Variants in AGPS observed in about 807,000 individuals in gnomAD.
AGPS encodes the protein alkyldihydroxyacetonephosphate synthase, peroxisomal.
In AGPS, 26 loss-of-function variants were observed where a neutral mutation model predicts 90.7. The observed-to-expected ratio is 0.29, with a 90% CI of 0.21 to 0.40. AGPS has a LOEUF of 0.40. Among genes scored for constraint, AGPS ranks in the 10% least tolerant of loss-of-function variants. AGPS has a pLI of 1.00. For synonymous variants in AGPS, 294 were observed against 285.3 expected (o/e 1.03, Z -0.31); for missense variants, 540 against 816.1 (o/e 0.66, Z 4.12).
intron 17 of AGPS, among the ~76,000 whole-genome samples, chr2:177,515,266 T>C (rs1688989092): frequency 6.6e-6 from 1 of 152,136 alleles, no homozygotes; most frequent in Non-Finnish European, 1.5e-5. Context: ...GATGCTTCAT[T>C]TTTCTCTTGA....
chr2:177,463,436 C>T (rs1222290816), intron 9 of AGPS, among the ~76,000 whole-genome samples: 1 of 152,150 alleles, frequency 6.6e-6, no homozygotes, highest in Non-Finnish European at 1.5e-5. Flanking sequence ...TTTAAAAGAA[C>T]TTTAATTTGA....
rs183484035 is a variant in AGPS at position 177,466,390 on chromosome 2, A to T, written c.997-2026A>T. Among the ~76,000 whole-genome samples, 27 of 152,294 alleles carry T rather than the reference A, an allele frequency of 1.8e-4. 1 individual carries two copies. In the East Asian group the frequency reaches 5.2e-3, roughly 29 times the overall value. On this transcript the variant is annotated intron_variant, in intron 9 of 19. Transcript: ENST00000264167. ...TGGGCAATCCCGGAAAAAGCATCAT[A>T]AGTTCCCACTCCAGTCCGTGGAACT...
intron 8 of AGPS, among the ~76,000 whole-genome samples, chr2:177,457,712 G>A (rs1408078922): frequency 6.6e-6 from 1 of 152,106 alleles, no homozygotes; most frequent in Non-Finnish European, 1.5e-5. Context: ...ACCAAAAAAA[G>A]TACAGGACTA....
In AGPS at chr2:177,517,678, TA is replaced by T. The variant is rs376504623; in HGVS notation, c.1698-3582del. Among the ~76,000 whole-genome samples, 218 of 151,214 alleles carry T rather than the reference TA, an allele frequency of 1.4e-3. 1 individual carries two copies. The highest frequency in any genetic ancestry group is 4.5e-3 in the African/African-American group (185 of 41,250). ...ATTTTGGGGGAGGTGTAACTAGACT[TA>T]AAAAAAAATAGTATTGTACAAATAT... is the stretch of plus-strand genomic sequence containing the variant. On this transcript the variant is annotated intron_variant, in intron 17 of 19. Coordinates refer to ENST00000264167, the MANE Select transcript of AGPS (RefSeq NM_003659.4).
intron 1 of AGPS, among the ~76,000 whole-genome samples, chr2:177,408,416 C>T (rs2123643): frequency 0.87 from 132,032 of 152,260 alleles, 57,466 homozygotes; most frequent in East Asian, 0.98. Flanking sequence ...TATAAACATA[C>T]ATGAACTAGG....
chr2:177,398,018 C>T (rs981947316), intron 1 of AGPS, among the ~76,000 whole-genome samples: 8 of 152,030 alleles, frequency 5.3e-5, no homozygotes, highest in Non-Finnish European at 1.0e-4. Flanking sequence ...GACGACAGGG[C>T]GAGACTGTGT....
intron 19 of AGPS, among the ~76,000 whole-genome samples, chr2:177,528,710 G>C (rs1479235214): frequency 6.6e-6 from 1 of 152,130 alleles, no homozygotes; most frequent in Non-Finnish European, 1.5e-5. Context: ...AACAGTGACT[G>C]GCTGCTCTAC....
chr2:177,505,643 T>G, intron 15 of AGPS, 68 bp downstream of exon 15: 1 of 1,343,300 alleles, frequency 7.4e-7, no homozygotes, highest in Admixed American at 1.7e-5. Flanking sequence ...TTACTTTAAG[T>G]GAATGCAATT....
chr2:177,412,040 C>T (rs73979739), intron 1 of AGPS, among the ~76,000 whole-genome samples: 1 of 151,990 alleles, frequency 6.6e-6, no homozygotes, highest in African/African-American at 2.4e-5. Flanking sequence ...GGGAGGGACA[C>T]GAGGGACAAG....
chr2:177,460,167 C>T (rs545412053), intron 8 of AGPS, among the ~76,000 whole-genome samples: 13 of 152,058 alleles, frequency 8.5e-5, no homozygotes, highest in South Asian at 6.2e-4. Flanking sequence ...GCCTGGGGCG[C>T]GGTGGGAGGC....
Position 177,439,899 on chromosome 2 carries a change from G to A in AGPS, c.638-1066G>A, listed in dbSNP as rs557246952. On this transcript the variant is annotated intron_variant, in intron 5 of 19. Transcript: ENST00000264167. ...CTATTGCCAGTCAAGTTGAGTCTTA[G>A]CACCTCTTGCTTGGCATTTAAAATC... Among the ~76,000 whole-genome samples the A allele has an allele frequency of 1.1e-4, 16 of 152,208 alleles. No homozygotes were observed. In the Middle Eastern group the frequency reaches 0.01, roughly 97 times the overall value.
intron 8 of AGPS, among the ~76,000 whole-genome samples, chr2:177,447,085 A>G (rs899895712): frequency 3.3e-5 from 5 of 152,178 alleles, no homozygotes; most frequent in Non-Finnish European, 7.4e-5. Flanking sequence ...TTAGTGATGT[A>G]CTGACCATTT....
At chr2:177,434,544 A>G (rs1378540262) in intron 3 of AGPS, 127 bp downstream of exon 3, 4 of 722,900 alleles carry the variant, frequency 5.5e-6, no homozygotes, top group Non-Finnish European at 7.1e-6. Context: ...TATAAAGCCT[A>G]TTAATTATAT....
rs986488450 is a variant in AGPS at position 177,543,296 on chromosome 2, G to A, written c.*5101G>A. ...TAATATTGTGTGTCAGTCCTTTTTC[G>A]TGTGATGGTGCCTTCAGAATAACGA... On this transcript the variant is annotated 3_prime_UTR_variant, in exon 20 of 20. Coordinates refer to ENST00000264167, the MANE Select transcript of AGPS (RefSeq NM_003659.4). 6 of 152,138 alleles carry A rather than the reference G, an allele frequency of 3.9e-5. No homozygotes were observed. The highest frequency in any genetic ancestry group is 5.9e-5 in the Non-Finnish European group (4 of 68,026). The allele number at this position is 152,138 out of a possible 1,614,324, so 9.4% of individuals were successfully genotyped here.
At chr2:177,465,529 G>A (rs747210341) in intron 9 of AGPS, among the ~76,000 whole-genome samples, 2 of 152,156 alleles carry the variant, frequency 1.3e-5, no homozygotes, top group African/African-American at 2.4e-5. Context: ...TGCCAACGGC[G>A]AGCCAGGCAC....
chr2:177,492,349 C>A (rs1415697780), intron 11 of AGPS, among the ~76,000 whole-genome samples: 1 of 152,034 alleles, frequency 6.6e-6, no homozygotes, highest in Non-Finnish European at 1.5e-5. Context: ...TCTAATCAGG[C>A]TTTGTATATT....
intron 11 of AGPS, among the ~76,000 whole-genome samples, chr2:177,482,716 T>A (rs1189029717): frequency 6.6e-6 from 1 of 152,130 alleles, no homozygotes; most frequent in African/African-American, 2.4e-5. Context: ...ATAGCTTAAA[T>A]TAAGGAATAT....
chr2:177,410,136 C>T (rs114792031), intron 1 of AGPS, among the ~76,000 whole-genome samples: 330 of 152,234 alleles, frequency 2.2e-3, no homozygotes, highest in African/African-American at 7.4e-3. Flanking sequence ...TTTCTCCTGC[C>T]GAGTACTGCA....
Position 177,482,068 on chromosome 2 carries a change from G to T in AGPS, c.1115G>T (p.Gly372Val). 6.3e-7 allele frequency: 1 copy of T among 1,599,588 alleles called. No individual in the cohort carries two copies. Among genetic ancestry groups the T allele is most frequent in the Middle Eastern group, 1.7e-4 (1 of 5,984 alleles). ...HFIMGSEGTLGVITEATIKIR... is the reference protein window; with the variant it reads ...HFIMGSEGTLVVITEATIKIR... ...CCCTTCTTTTTTTCAGGAACTCTTG[G>T]TGTAATAACAGAAGCTACAATAAAA... is the stretch of plus-strand genomic sequence containing the variant. The change falls in exon 11 of 20, where the codon GGT becomes GTT. Residue 372 changes from glycine (G) to valine (V), a missense_variant. By Grantham distance (109) the Gly-to-Val change is moderately radical. Coordinates refer to ENST00000264167, the MANE Select transcript of AGPS (RefSeq NM_003659.4).
Sources: gnomAD v4.1 joint callset for allele counts (sites outside exome capture counted in the v4.1 genomes callset) on GRCh38, gnomAD v4.1.1 for gene constraint, MANE v1.5 for transcripts, NCBI Gene and HGNC (gene_info 2026-07-23, HGNC 2026-07-21) for gene names.